DOK6: variants seen among roughly 807,000 people sequenced by gnomAD.
The protein encoded by DOK6 is downstream of tyrosine kinase 6.
Under a neutral mutation model 44.0 loss-of-function variants are expected in DOK6, and 22 were observed. The observed-to-expected ratio is 0.50, with a 90% CI of 0.36 to 0.71. The LOEUF (loss-of-function observed/expected upper bound fraction) is 0.71. Among genes scored for constraint, DOK6 ranks in the 30% least tolerant of loss-of-function variants. The pLI, the probability that DOK6 is intolerant of heterozygous loss-of-function variation, is 0.00. For synonymous variants in DOK6, 166 were observed against 145.5 expected, an observed-to-expected ratio of 1.14 and a Z score of -1.01; for missense variants, 340 against 416.4, an observed-to-expected ratio of 0.82 and a Z score of 1.60.
chr18:69,657,542 A>G (rs1985400861), intron 3 of DOK6, among the ~76,000 whole-genome samples: 1 of 152,208 alleles, frequency 6.6e-6, no homozygotes, highest in East Asian at 1.9e-4. Flanking sequence ...ATCTAAGTAA[A>G]AGTTGATTGA....
intron 3 of DOK6, among the ~76,000 whole-genome samples, chr18:69,651,137 C>T (rs902825005): frequency 3.9e-5 from 6 of 152,116 alleles, no homozygotes; most frequent in Non-Finnish European, 4.4e-5. Context: ...CTTCCCAGTA[C>T]GAAGCATACA....
At chr18:69,447,754 G>A (rs1180609295) in intron 1 of DOK6, among the ~76,000 whole-genome samples, 2 of 152,182 alleles carry the variant, frequency 1.3e-5, no homozygotes, top group Admixed American at 6.6e-5. Flanking sequence ...CAGAGTATGT[G>A]TATAGCCCTG....
chr18:69,432,569 G>A (rs746764651), intron 1 of DOK6, among the ~76,000 whole-genome samples: 5 of 152,194 alleles, frequency 3.3e-5, no homozygotes, highest in Non-Finnish European at 5.9e-5. Context: ...GCTATTTTGA[G>A]AGAAGAGAGG....
At chr18:69,788,852 C>G (rs1980509282) in intron 7 of DOK6, among the ~76,000 whole-genome samples, 3 of 152,128 alleles carry the variant, frequency 2.0e-5, no homozygotes, top group Admixed American at 6.6e-5. Flanking sequence ...TGTGTTTTCA[C>G]TTTCAGCAAC....
intron 4 of DOK6, among the ~76,000 whole-genome samples, chr18:69,681,063 ATTGT>A (rs900068640): frequency 2.6e-5 from 4 of 152,188 alleles, no homozygotes; most frequent in African/African-American, 4.8e-5. Context: ...AGCACGATAG[ATTGT>A]TTATTAAGAC....
intron 1 of DOK6, among the ~76,000 whole-genome samples, chr18:69,439,018 G>T (rs1162442589): frequency 6.6e-6 from 1 of 152,118 alleles, no homozygotes; most frequent in Non-Finnish European, 1.5e-5. Flanking sequence ...GCTGCATTGA[G>T]CTATGATCAT....
intron 2 of DOK6, among the ~76,000 whole-genome samples, chr18:69,581,264 T>C (rs1983362914): frequency 6.6e-6 from 1 of 151,996 alleles, no homozygotes; most frequent in Non-Finnish European, 1.5e-5. Flanking sequence ...CAGTGGTTGA[T>C]AACTTGTTTG....
chr18:69,680,737 G>A (rs920547024), intron 4 of DOK6, among the ~76,000 whole-genome samples: 3 of 152,112 alleles, frequency 2.0e-5, no homozygotes, highest in South Asian at 2.1e-4. Flanking sequence ...ACAATTACCA[G>A]TAGGCTATAA....
At chr18:69,430,661 T>C (rs1339874857) in intron 1 of DOK6, among the ~76,000 whole-genome samples, 1 of 152,158 alleles carries the variant, frequency 6.6e-6, no homozygotes, top group Non-Finnish European at 1.5e-5. Flanking sequence ...TAGGAATTTT[T>C]TTCCCGCTTG....
chr18:69,629,540 G>A (rs1016118806), intron 3 of DOK6, among the ~76,000 whole-genome samples: 2 of 152,124 alleles, frequency 1.3e-5, no homozygotes, highest in African/African-American at 4.8e-5. Context: ...GTTTTCTAAT[G>A]TTAATTTCTT....
intron 5 of DOK6, among the ~76,000 whole-genome samples, chr18:69,718,329 A>G (rs1241141386): frequency 6.6e-6 from 1 of 152,002 alleles, no homozygotes; most frequent in Non-Finnish European, 1.5e-5. Context: ...TAAGTCCCCA[A>G]CCCCCCAAAA....
intron 1 of DOK6, among the ~76,000 whole-genome samples, chr18:69,551,394 A>G (rs1185099059): frequency 1.3e-5 from 2 of 152,222 alleles, no homozygotes; most frequent in Non-Finnish European, 2.9e-5. Flanking sequence ...GTGTTCTGCA[A>G]TCAACAAGAT....
At chr18:69,673,861 T>C (rs914962798) in intron 3 of DOK6, among the ~76,000 whole-genome samples, 13 of 152,224 alleles carry the variant, frequency 8.5e-5, no homozygotes, top group African/African-American at 2.9e-4. Flanking sequence ...AAAAACTTTA[T>C]AGAACCCTTT....
intron 1 of DOK6, among the ~76,000 whole-genome samples, chr18:69,423,065 A>G (rs1978539207): frequency 6.6e-6 from 1 of 152,176 alleles, no homozygotes; most frequent in African/African-American, 2.4e-5. Flanking sequence ...GGACTTTGGG[A>G]GACTGAAGTG....
intron 7 of DOK6, among the ~76,000 whole-genome samples, chr18:69,839,014 T>C (rs1568141839): frequency 6.7e-6 from 1 of 148,516 alleles, no homozygotes; most frequent in Non-Finnish European, 1.5e-5. Flanking sequence ...CCCTAGATGT[T>C]CTCCTAACTC....
intron 2 of DOK6, among the ~76,000 whole-genome samples, chr18:69,587,692 C>T (rs1983535459): frequency 6.6e-6 from 1 of 151,374 alleles, no homozygotes; most frequent in Non-Finnish European, 1.5e-5. Context: ...AAAGTAAGAG[C>T]GATGTTGTAA....
intron 1 of DOK6, among the ~76,000 whole-genome samples, chr18:69,484,864 A>G (rs991345489): frequency 7.2e-5 from 11 of 152,142 alleles, no homozygotes; most frequent in African/African-American, 2.7e-4. Context: ...AAGTGCAAAA[A>G]TGTGGAAATC....
chr18:69,720,975 A>C (rs1599285410), intron 5 of DOK6, among the ~76,000 whole-genome samples: 1 of 152,290 alleles, frequency 6.6e-6, no homozygotes, highest in African/African-American at 2.4e-5. Context: ...CCCAAAAAGG[A>C]TATTTGTAGG....
At chr18:69,786,113 A>G (rs575344823) in intron 7 of DOK6, among the ~76,000 whole-genome samples, 1 of 152,144 alleles carries the variant, frequency 6.6e-6, no homozygotes, top group South Asian at 2.1e-4. Flanking sequence ...AAAAACACCT[A>G]TATTTATTTC....
Sources: allele counts gnomAD v4.1 joint callset (sites outside exome capture counted in the v4.1 genomes callset), GRCh38; gene constraint gnomAD v4.1.1; transcripts MANE v1.5; gene names NCBI Gene and HGNC (gene_info 2026-07-23, HGNC 2026-07-21).